GIPR: variants seen among roughly 807,000 people sequenced by gnomAD.
GIPR encodes gastric inhibitory polypeptide receptor, also known as GIP-R.
A neutral mutation model predicts 62.2 loss-of-function variants in GIPR; 74 were observed. The ratio of observed to expected loss-of-function variants is 1.19; its 90% CI spans 0.99 to 1.44. The LOEUF is 1.44. Among genes scored for constraint, GIPR ranks in the 40% most tolerant of loss-of-function variants. The probability of loss-of-function intolerance (pLI) is 0.00; values close to 1 mark genes in which losing one functional copy is unlikely to be tolerated. For synonymous variants in GIPR, 256 were observed against 262.2 expected, an observed-to-expected ratio of 0.98 and a Z score of 0.23; for missense variants, 664 against 611.8, an observed-to-expected ratio of 1.09 and a Z score of -0.90.
chr19:45,678,374 T>A (rs1967068637), intron 12 of GIPR, 148 bp downstream of exon 12: 1 of 983,126 alleles, frequency 1.0e-6, no homozygotes, highest in African/African-American at 1.6e-5. Flanking sequence ...TCATTCTTTT[T>A]TTTTTTTGAG....
chr19:45,669,492 C>T lies in GIPR; in HGVS notation c.-29C>T, dbSNP rs781235143. Reference sequence around the variant, plus strand: ...GACCCTCCAGGCCTGATCGCCCCTGCACGAACCAGACCCTTCGCCGCCCTC... The same window carrying T: ...GACCCTCCAGGCCTGATCGCCCCTGTACGAACCAGACCCTTCGCCGCCCTC... On this transcript the variant is annotated 5_prime_UTR_variant, in exon 2 of 14. Coordinates refer to ENST00000590918, the MANE Select transcript of GIPR (RefSeq NM_000164.4). 9 of 1,559,890 alleles carry T rather than the reference C, an allele frequency of 5.8e-6. 1 individual carries two copies. The highest frequency in any genetic ancestry group is 3.8e-5 in the Admixed American group (2 of 52,658).
At chr19:45,673,412 T>C (rs1600294161) in intron 5 of GIPR, among the ~76,000 whole-genome samples, 4 of 95,120 alleles carry the variant, frequency 4.2e-5, no homozygotes, top group Admixed American at 1.6e-4. Context: ...AGAGCGAGAC[T>C]CCATCTCAAA....
intron 7 of GIPR, among the ~76,000 whole-genome samples, chr19:45,676,066 T>C (rs1212378768): frequency 6.6e-6 from 1 of 151,654 alleles, no homozygotes; most frequent in African/African-American, 2.4e-5. Context: ...TAGCTGGGCA[T>C]GGGGCACATG....
intron 4 of GIPR, 91 bp from the exon 5 acceptor site, chr19:45,672,760 T>C (rs1975607932): frequency 1.3e-6 from 1 of 763,592 alleles, no homozygotes; most frequent in Non-Finnish European, 2.4e-6. Context: ...CCACTTCGGC[T>C]CTCTCCCTCT....
rs1159207890 is a variant in GIPR, at chr19:45,682,036, CAGAAAAA to C, written c.*104_*110del. 1 of 1,037,540 alleles carries C rather than the reference CAGAAAAA, an allele frequency of 9.6e-7. No individual in the cohort carries two copies. The highest frequency in any genetic ancestry group is 1.6e-5 in the African/African-American group (1 of 62,080). 64.3% of individuals were successfully genotyped at this position (1,037,540 alleles called of 1,614,324 possible). ...GACGCTGGGGAAATGGTGAAGGAAA[CAGAAAAA>C]AGGTCCCTGCCCTTCTGGAGATGAC... is the stretch of plus-strand genomic sequence containing the variant. On this transcript the variant is annotated 3_prime_UTR_variant, in exon 14 of 14. Coordinates refer to ENST00000590918, the MANE Select transcript of GIPR (RefSeq NM_000164.4).
intron 5 of GIPR, 67 bp downstream of exon 5, chr19:45,673,021 G>C: frequency 3.2e-6 from 3 of 947,192 alleles, no homozygotes; most frequent in Non-Finnish European, 5.2e-6. Flanking sequence ...GATTCAGGCA[G>C]GGCCTGAAAC....
chr19:45,677,958 G>C lies in GIPR; in HGVS notation c.977G>C (p.Arg326Thr), dbSNP rs771213011. Residue 326 changes from arginine (R) to threonine (T), a missense_variant, in exon 11 of 14, where the codon AGG becomes ACG. Coordinates refer to ENST00000590918, the MANE Select transcript of GIPR (RefSeq NM_000164.4). ...RILGILLSKL[R>T]TRQMRCRDYR... Reference sequence around the variant, plus strand: ...CTTGGCATTCTCCTGTCCAAGCTGAGGACACGGCAAATGCGCTGCCGGGAT... The same window carrying C: ...CTTGGCATTCTCCTGTCCAAGCTGACGACACGGCAAATGCGCTGCCGGGAT... The C allele has an allele frequency of 2.5e-6, 4 of 1,614,008 alleles. No homozygotes were observed. The highest frequency in any genetic ancestry group is 3.4e-6 in the Non-Finnish European group (4 of 1,180,034).
intron 3 of GIPR, among the ~76,000 whole-genome samples, 190 bp downstream of exon 3, chr19:45,670,924 T>C (rs1975502479): frequency 6.6e-6 from 1 of 151,332 alleles, no homozygotes; most frequent in Non-Finnish European, 1.5e-5. Flanking sequence ...GGGAGGAAGC[T>C]TGAAATGGGA....
Position 45,678,186 on chromosome 19 carries a change from TCG to T in GIPR, c.1114_1115del (p.Ala372GlnfsTer5). On this transcript the variant is annotated frameshift_variant, in exon 12 of 14. Coordinates refer to ENST00000590918, the MANE Select transcript of GIPR (RefSeq NM_000164.4). LOFTEE classifies it high-confidence loss of function. ...GAACAGGCCCGGGGCGCCCTGCGCT[TCG>T]CCAAGCTCGGCTTTGAGATCTTCCT... 6.3e-7 allele frequency: 1 copy of T among 1,589,328 alleles called. No homozygotes were observed. Among genetic ancestry groups the T allele is most frequent in the South Asian group, 1.1e-5 (1 of 88,602 alleles).
chr19:45,671,452 C>T, intron 4 of GIPR, 60 bp downstream of exon 4: 2 of 1,028,282 alleles, frequency 1.9e-6, no homozygotes, highest in East Asian at 4.7e-5. Context: ...AACCTTTGCC[C>T]CCAGACACCT....
In GIPR at chr19:45,677,107, G is replaced by C. The variant is rs779781285; in HGVS notation, c.792G>C (p.Trp264Cys). The C allele has an allele frequency of 7.4e-6, 12 of 1,613,114 alleles. No individual in the cohort carries two copies. The African/African-American group carries it at 1.3e-4, about 18-fold the overall frequency. The change falls in exon 8 of 14, where the codon TGG becomes TGC. Residue 264 changes from tryptophan (W) to cysteine (C), a missense_variant and splice_region_variant. Trp to Cys is a radical substitution (Grantham distance 215). Coordinates refer to ENST00000590918, the MANE Select transcript of GIPR (RefSeq NM_000164.4). The part of the protein sequence containing the change: ...GHFRYYLLLG[W>C]GAPALFVIPW... ...TCCGCTACTACCTGCTCCTCGGCTG[G>C]GGTGAGCTCCGATCCCGTCCCCCGC...
intron 12 of GIPR, 187 bp downstream of exon 12, chr19:45,678,413 G>A: frequency 2.8e-6 from 2 of 718,710 alleles, no homozygotes; most frequent in Non-Finnish European, 2.3e-6. Flanking sequence ...GCCCAGGCTG[G>A]AGTACAGTGG....
chr19:45,680,276 C>T (rs920924337), intron 12 of GIPR, among the ~76,000 whole-genome samples: 3 of 152,016 alleles, frequency 2.0e-5, no homozygotes, highest in African/African-American at 4.8e-5. Flanking sequence ...GCAGGAACAT[C>T]GCTTGAACCT....
intron 13 of GIPR, 29 bp downstream of exon 13, chr19:45,681,674 C>G (rs1018844317): frequency 3.1e-6 from 5 of 1,612,442 alleles, no homozygotes; most frequent in African/African-American, 1.3e-5. Flanking sequence ...GCCGCCCCCG[C>G]CCTCTGGCGG....
In GIPR at chr19:45,681,943, G is replaced by C; in HGVS notation, c.*8G>C. 3.2e-6 allele frequency: 5 copies of C among 1,555,330 alleles called. No homozygotes were observed. Among genetic ancestry groups the C allele is most frequent in the Non-Finnish European group, 4.4e-6 (5 of 1,148,086 alleles). ...TTGGAAAGTTACTGCTAGGGGGCGGGATCCCCGTGTCTGTTCAGTTAGCAT... is the reference window on the plus strand; with the variant it reads ...TTGGAAAGTTACTGCTAGGGGGCGGCATCCCCGTGTCTGTTCAGTTAGCAT... On this transcript the variant is annotated 3_prime_UTR_variant, in exon 14 of 14. Transcript: ENST00000590918.
chr19:45,677,566 G>T, intron 9 of GIPR, 144 bp from the exon 10 acceptor site: 1 of 846,214 alleles, frequency 1.2e-6, no homozygotes, highest in Non-Finnish European at 2.0e-6. Context: ...AAGGGGAGGG[G>T]GTGGGGCCTG....
Position 45,670,728 on chromosome 19 carries a change from C to G in GIPR, c.166C>G (p.Pro56Ala). ...GGAGACCTTGGCAGCCGCGGAACCG[C>G]CTTCAGGTGTGACCAGGAGGGCTGG... The part of the protein sequence containing the change: ...CQETLAAAEP[P>A]SGLACNGSFD... Residue 56 changes from proline (P) to alanine (A), a missense_variant, in exon 3 of 14, where the codon CCT (proline) becomes GCT (alanine). Transcript: ENST00000590918. 1.2e-6 allele frequency: 2 copies of G among 1,600,812 alleles called. No individual in the cohort carries two copies. The highest frequency in any genetic ancestry group is 1.7e-6 in the Non-Finnish European group (2 of 1,172,834).
chr19:45,682,892 G>T lies in GIPR; in HGVS notation c.*957G>T, dbSNP rs2334255. ...ATCCTTCTTGTCTGCCCTGTAGGAG[G>T]ACAAATTATCAGGGGCAGGGGTGGA... On this transcript the variant is annotated 3_prime_UTR_variant, in exon 14 of 14. Coordinates refer to ENST00000590918, the MANE Select transcript of GIPR (RefSeq NM_000164.4). The T allele has an allele frequency of 0.24, 36,427 of 152,376 alleles. 4,612 individuals carry two copies. The highest frequency in any genetic ancestry group is 0.41 in the East Asian group (2,113 of 5,164). 9.4% of individuals were successfully genotyped at this position (152,376 alleles called of 1,614,324 possible). A position where few individuals can be genotyped will look rare whatever the true frequency, so the allele number is the denominator to read the frequency against.
Position 45,683,330 on chromosome 19 carries a change from G to C in GIPR, c.*1395G>C, listed in dbSNP as rs1254058998. 2.0e-5 allele frequency: 3 copies of C among 152,292 alleles called. No homozygotes were observed. Among genetic ancestry groups the C allele is most frequent in the Non-Finnish European group, 4.4e-5 (3 of 68,108 alleles). 9.4% of individuals were successfully genotyped at this position (152,292 alleles called of 1,614,324 possible). A position where few individuals can be genotyped will look rare whatever the true frequency, so the allele number is the denominator to read the frequency against. On this transcript the variant is annotated 3_prime_UTR_variant, in exon 14 of 14. Transcript: ENST00000590918. Reference sequence around the variant, plus strand: ...GTGAGGCAAGGCAGGCCTCGCAGCTGAAACTTTATATCCAGAGCAGCCAGG... The same window carrying C: ...GTGAGGCAAGGCAGGCCTCGCAGCTCAAACTTTATATCCAGAGCAGCCAGG...
Sources: gnomAD v4.1 joint callset for allele counts (sites outside exome capture counted in the v4.1 genomes callset) on GRCh38, gnomAD v4.1.1 for gene constraint, MANE v1.5 for transcripts, NCBI Gene and HGNC (gene_info 2026-07-23, HGNC 2026-07-21) for gene names.